The following RERE variants were observed in gnomAD, a reference collection of about 807,000 sequenced individuals.
RERE encodes arginine-glutamic acid dipeptide repeats protein.
A neutral mutation model predicts 146.1 loss-of-function variants in RERE; 40 were observed. The observed-to-expected ratio is 0.27, with a 90% CI of 0.21 to 0.36. The LOEUF (loss-of-function observed/expected upper bound fraction) is 0.36. RERE is among the 10% of genes least tolerant of loss of function. RERE has a pLI of 1.00. For synonymous variants in RERE, 1,003 were observed against 866.0 expected (o/e 1.16, Z -2.78); for missense variants, 1,933 against 2,138.7 (o/e 0.90, Z 1.90).
intron 10 of RERE, among the ~76,000 whole-genome samples, chr1:8,493,113 C>T (rs748787255): frequency 1.3e-5 from 2 of 152,124 alleles, no homozygotes; most frequent in Non-Finnish European, 2.9e-5. Flanking sequence ...ACAACAACAA[C>T]AGAAAAAAGT....
At chr1:8,697,194 C>A (rs1241604099) in intron 1 of RERE, among the ~76,000 whole-genome samples, 1 of 152,146 alleles carries the variant, frequency 6.6e-6, no homozygotes, top group Non-Finnish European at 1.5e-5. Flanking sequence ...AGCCAAAAAA[C>A]ATACACATAA....
chr1:8,751,996 C>T (rs899682726), intron 1 of RERE, among the ~76,000 whole-genome samples: 3 of 149,136 alleles, frequency 2.0e-5, no homozygotes, highest in African/African-American at 7.4e-5. Flanking sequence ...ATAGTTAAAA[C>T]TTAACACAGC....
chr1:8,355,333 G>C (rs1215308268), intron 22 of RERE, 86 bp downstream of exon 22: 5 of 1,434,372 alleles, frequency 3.5e-6, no homozygotes, highest in Admixed American at 3.6e-5. Context: ...CAGGCAGAGG[G>C]GGAGGAGCCT....
chr1:8,522,483 A>T (rs535915207), intron 7 of RERE, among the ~76,000 whole-genome samples: 1 of 152,376 alleles, frequency 6.6e-6, no homozygotes, highest in East Asian at 1.9e-4. Context: ...ACAACTAGAG[A>T]ATCACAGACA....
chr1:8,716,877 C>G (rs187255323), intron 1 of RERE, among the ~76,000 whole-genome samples: 373 of 152,162 alleles, frequency 2.5e-3, no homozygotes, highest in African/African-American at 8.8e-3. Context: ...AGGCATCGGA[C>G]TGAAATTTAT....
intron 1 of RERE, among the ~76,000 whole-genome samples, chr1:8,748,659 T>G (rs1249489045): frequency 6.6e-6 from 1 of 152,190 alleles, no homozygotes; most frequent in Non-Finnish European, 1.5e-5. Context: ...TTTGGCAGCA[T>G]CCCAACTTCA....
At chr1:8,684,579 T>C (rs1279218157) in intron 1 of RERE, among the ~76,000 whole-genome samples, 1 of 152,212 alleles carries the variant, frequency 6.6e-6, no homozygotes, top group Non-Finnish European at 1.5e-5. Context: ...CAAACAAGAA[T>C]GATTAATTAA....
chr1:8,683,004 T>A (rs1639004666), intron 1 of RERE, among the ~76,000 whole-genome samples: 1 of 128,996 alleles, frequency 7.8e-6, no homozygotes, highest in Non-Finnish European at 1.6e-5. Context: ...ACTCCATAAT[T>A]TACCAACTCT....
At chr1:8,720,027 C>T (rs752964085) in intron 1 of RERE, among the ~76,000 whole-genome samples, 1 of 151,774 alleles carries the variant, frequency 6.6e-6, no homozygotes, top group Non-Finnish European at 1.5e-5. Context: ...TGCTTTGGGG[C>T]GGCTGAGGCG....
At chr1:8,506,223 G>A (rs1217055673) in intron 8 of RERE, among the ~76,000 whole-genome samples, 1 of 152,184 alleles carries the variant, frequency 6.6e-6, no homozygotes, top group Non-Finnish European at 1.5e-5. Flanking sequence ...TTCCCAGACC[G>A]AAAATACAGC....
chr1:8,785,097 A>C (rs1389354604), intron 1 of RERE, among the ~76,000 whole-genome samples: 1 of 152,172 alleles, frequency 6.6e-6, no homozygotes, highest in East Asian at 1.9e-4. Context: ...TCTAGCATCT[A>C]TCCTTACTAT....
At chr1:8,575,559 ATATT>A (rs1407034107) in intron 4 of RERE, among the ~76,000 whole-genome samples, 907 of 65,886 alleles carry the variant, frequency 0.014, 11 homozygotes, top group African/African-American at 0.055. Flanking sequence ...ATATATATAT[ATATT>A]TTTTTTTTTT....
At chr1:8,596,253 C>CA (rs1319491988) in intron 4 of RERE, among the ~76,000 whole-genome samples, 13 of 152,104 alleles carry the variant, frequency 8.5e-5, no homozygotes, top group Admixed American at 2.0e-4. Flanking sequence ...TGAGCAGCAG[C>CA]AAAAAACAGG....
chr1:8,687,691 C>T (rs143745548), intron 1 of RERE, among the ~76,000 whole-genome samples: 1 of 152,128 alleles, frequency 6.6e-6, no homozygotes, highest in African/African-American at 2.4e-5. Flanking sequence ...ATTTTCACAC[C>T]ATATTCATAA....
rs1334669584 is a variant in RERE at position 8,724,526 on chromosome 1, C to T, written c.-144-68085G>A. On this transcript the variant is annotated intron_variant, in intron 1 of 22. Transcript: ENST00000400908. ...GTAAACTCAAAGATTTAGTTACTTT[C>T]TCTACATATTACACAGCTGCTTTAA... is the stretch of plus-strand genomic sequence containing the variant. Among the ~76,000 whole-genome samples the T allele has an allele frequency of 2.0e-5, 3 of 152,250 alleles. No homozygotes were observed. The South Asian group carries it at 6.2e-4, about 32-fold the overall frequency.
intron 8 of RERE, among the ~76,000 whole-genome samples, chr1:8,500,652 C>A (rs1220845218): frequency 1.3e-5 from 2 of 152,106 alleles, no homozygotes; most frequent in African/African-American, 2.4e-5. Flanking sequence ...AAGTGAGGAG[C>A]GTCTCTGCCT....
At chr1:8,580,013 A>C (rs1282788984) in intron 4 of RERE, among the ~76,000 whole-genome samples, 1 of 152,306 alleles carries the variant, frequency 6.6e-6, no homozygotes, top group East Asian at 1.9e-4. Context: ...CAAAAAAGAC[A>C]AAAAGAAAAA....
At chr1:8,783,716 T>C (rs1641209163) in intron 1 of RERE, among the ~76,000 whole-genome samples, 1 of 152,134 alleles carries the variant, frequency 6.6e-6, no homozygotes, top group Non-Finnish European at 1.5e-5. Flanking sequence ...CTCAAAACCA[T>C]CCAGTGCCTT....
At chr1:8,571,002 G>A (rs1479952550) in intron 4 of RERE, among the ~76,000 whole-genome samples, 1 of 152,154 alleles carries the variant, frequency 6.6e-6, no homozygotes, top group Non-Finnish European at 1.5e-5. Context: ...CAAAAACTGA[G>A]CTCAGGATAT....
Sources: allele counts gnomAD v4.1 joint callset (sites outside exome capture counted in the v4.1 genomes callset), GRCh38; gene constraint gnomAD v4.1.1; transcripts MANE v1.5; gene names NCBI Gene and HGNC (gene_info 2026-07-23, HGNC 2026-07-21).